KCNH5: variants seen among roughly 807,000 people sequenced by gnomAD.
The protein encoded by KCNH5 is voltage-gated delayed rectifier potassium channel KCNH5.
Under a neutral mutation model 96.1 loss-of-function variants are expected in KCNH5, and 46 were observed. That is an observed-to-expected ratio of 0.48 (90% CI 0.38 to 0.61). The LOEUF is 0.61. Among genes scored for constraint, KCNH5 ranks in the 20% least tolerant of loss-of-function variants. The pLI, the probability that KCNH5 is intolerant of heterozygous loss-of-function variation, is 0.00. For missense variants in KCNH5, 907 were observed against 1,225.8 expected (o/e 0.74, Z 3.88); for synonymous variants, 439 against 449.8 (o/e 0.98, Z 0.30).
At chr14:63,009,499 A>G (rs1021482202) in intron 2 of KCNH5, among the ~76,000 whole-genome samples, 3 of 152,192 alleles carry the variant, frequency 2.0e-5, no homozygotes, top group South Asian at 2.1e-4. Flanking sequence ...CATTTCTTAC[A>G]TTGTTCCACT....
Position 62,712,011 on chromosome 14 carries a change from C to T in KCNH5, c.2020-3556G>A, listed in dbSNP as rs1273465645. On this transcript the variant is annotated intron_variant, in intron 10 of 10. Transcript: ENST00000322893. ...GGTCCTGAAGTAGATCCCCCTTTCT[C>T]CTTAGCAGCAGGGCCTGCTGACAAT... is the stretch of plus-strand genomic sequence containing the variant. Among the ~76,000 whole-genome samples the T allele has an allele frequency of 2.0e-5, 3 of 152,160 alleles. No individual in the cohort carries two copies. The East Asian group carries it at 5.8e-4, about 29-fold the overall frequency.
chr14:62,781,079 C>T (rs1886201947), intron 9 of KCNH5, among the ~76,000 whole-genome samples: 1 of 151,882 alleles, frequency 6.6e-6, no homozygotes, highest in African/African-American at 2.4e-5. Flanking sequence ...TCTATTTTCC[C>T]CAAGCATCAG....
At chr14:62,997,425 CT>C (rs1890926285) in intron 4 of KCNH5, among the ~76,000 whole-genome samples, 1 of 152,136 alleles carries the variant, frequency 6.6e-6, no homozygotes, top group Non-Finnish European at 1.5e-5. Flanking sequence ...TGAACAAGTG[CT>C]GGATTTCAGC....
At chr14:63,037,274 A>G (rs1465718150) in intron 1 of KCNH5, among the ~76,000 whole-genome samples, 1 of 152,132 alleles carries the variant, frequency 6.6e-6, no homozygotes, top group African/African-American at 2.4e-5. Context: ...CCAGGACTCT[A>G]ATACAGGCCT....
At chr14:63,031,436 T>C (rs1308020353) in intron 1 of KCNH5, among the ~76,000 whole-genome samples, 1 of 152,080 alleles carries the variant, frequency 6.6e-6, no homozygotes, top group Non-Finnish European at 1.5e-5. Flanking sequence ...TATAAGAGCA[T>C]GTGGGATGTT....
intron 10 of KCNH5, chr14:62,712,209 T>TAA (rs199512994): frequency 0.04 from 4,810 of 120,794 alleles, 127 homozygotes; most frequent in South Asian, 0.11. Context: ...TAGTTTTTTT[T>TAA]AAAAAAAATA....
At chr14:62,987,044 T>C (rs372096814) in intron 5 of KCNH5, 28 bp downstream of exon 5, 92 of 1,499,766 alleles carry the variant, frequency 6.1e-5, no homozygotes, top group Admixed American at 6.7e-5. Flanking sequence ...ACCACCATCT[T>C]GGGAAGCAAA....
At chr14:62,886,626 G>T (rs1595670641) in intron 7 of KCNH5, among the ~76,000 whole-genome samples, 2 of 152,152 alleles carry the variant, frequency 1.3e-5, no homozygotes, top group South Asian at 2.1e-4. Context: ...AAAGAAATTG[G>T]TCATGAGCTC....
intron 10 of KCNH5, among the ~76,000 whole-genome samples, chr14:62,754,909 T>C (rs1447927540): frequency 1.4e-5 from 2 of 140,454 alleles, no homozygotes; most frequent in Admixed American, 1.5e-4. Flanking sequence ...TAAAATAAAA[T>C]AAAATAGAAA....
chr14:62,910,941 A>ACACACACACC (rs61033705), intron 7 of KCNH5, among the ~76,000 whole-genome samples: 13,539 of 140,226 alleles, frequency 0.097, 716 homozygotes, highest in South Asian at 0.17. Flanking sequence ...ACACACACAC[A>ACACACACACC]CCCCTCTGTT....
At chr14:62,951,770 G>T (rs1285364412) in intron 6 of KCNH5, among the ~76,000 whole-genome samples, 1 of 152,038 alleles carries the variant, frequency 6.6e-6, no homozygotes, top group African/African-American at 2.4e-5. Flanking sequence ...AGACCAGCCT[G>T]GCCAACATGG....
chr14:62,771,546 A>AC (rs532018306), intron 10 of KCNH5, among the ~76,000 whole-genome samples: 4,336 of 152,136 alleles, frequency 0.029, 119 homozygotes, highest in Non-Finnish European at 0.042. Flanking sequence ...AATGGCGTGA[A>AC]CCCGGGAGGC....
chr14:62,822,857 A>G (rs1463082618), intron 8 of KCNH5, among the ~76,000 whole-genome samples: 8 of 152,120 alleles, frequency 5.3e-5, no homozygotes, highest in Admixed American at 2.6e-4. Context: ...TTAAAAAACC[A>G]TACAGTGCAA....
intron 7 of KCNH5, among the ~76,000 whole-genome samples, chr14:62,948,043 GT>G (rs1308356798): frequency 8.8e-5 from 13 of 148,056 alleles, no homozygotes; most frequent in African/African-American, 3.3e-4. Context: ...TAATCTCATT[GT>G]TCAATTCCCA....
intron 8 of KCNH5, among the ~76,000 whole-genome samples, chr14:62,829,146 T>C (rs571510549): frequency 3.9e-5 from 6 of 152,294 alleles, no homozygotes; most frequent in African/African-American, 1.4e-4. Context: ...TGGGTAGCTG[T>C]GCACCTGACG....
At chr14:62,799,841 TTA>T (rs902231158) in intron 9 of KCNH5, among the ~76,000 whole-genome samples, 1 of 107,678 alleles carries the variant, frequency 9.3e-6, no homozygotes, top group Non-Finnish European at 2.2e-5. Flanking sequence ...AAATAATATA[TTA>T]TATATATTTA....
chr14:62,819,791 GACTTGAAC>G (rs1887076914), intron 8 of KCNH5, among the ~76,000 whole-genome samples: 1 of 152,120 alleles, frequency 6.6e-6, no homozygotes. Flanking sequence ...GCATACTTAT[GACTTGAAC>G]ACTTTACATG....
At position 62,924,358 on chromosome 14, in the gene KCNH5, T is replaced by C. The variant is rs181193253; in HGVS notation, c.1369+25775A>G. Among the ~76,000 whole-genome samples the C allele has an allele frequency of 2.3e-4, 35 of 152,080 alleles. 1 individual carries two copies. The highest frequency in any genetic ancestry group is 6.2e-4 in the South Asian group (3 of 4,830). The stretch of plus-strand genomic sequence containing the variant: ...TGATATGAAGAAAAGGGACCACTTA[T>C]ACACTGTTGGTGGGAATGTAAATTA... On this transcript the variant is annotated intron_variant, in intron 7 of 10. Transcript: ENST00000322893.
chr14:62,963,259 C>T (rs140593884), intron 6 of KCNH5, among the ~76,000 whole-genome samples: 1 of 152,118 alleles, frequency 6.6e-6, no homozygotes, highest in Non-Finnish European at 1.5e-5. Context: ...ATCATAGGTA[C>T]GTCTGTATAG....
Sources: gnomAD v4.1 joint callset for allele counts (sites outside exome capture counted in the v4.1 genomes callset) on GRCh38, gnomAD v4.1.1 for gene constraint, MANE v1.5 for transcripts, NCBI Gene and HGNC (gene_info 2026-07-23, HGNC 2026-07-21) for gene names.